Variants in ATP9A observed in about 807,000 individuals in gnomAD.
The protein encoded by ATP9A is probable phospholipid-transporting ATPase IIA.
ATP9A carries 52 observed loss-of-function variants against 144.1 expected under a neutral mutation model. The observed-to-expected ratio is 0.36, with a 90% confidence interval of 0.29 to 0.45. The LOEUF (loss-of-function observed/expected upper bound fraction) is 0.45. Among genes scored for constraint, ATP9A ranks in the 20% least tolerant of loss-of-function variants. The probability of loss-of-function intolerance (pLI) is 1.00; values close to 1 mark genes in which losing one functional copy is unlikely to be tolerated. For missense variants in ATP9A, 947 were observed against 1,392.7 expected, an observed-to-expected ratio of 0.68 and a Z score of 5.09; for synonymous variants, 582 against 557.4, an observed-to-expected ratio of 1.04 and a Z score of -0.62.
chr20:51,622,024 G>A (rs2122724697), intron 19 of ATP9A, 50 bp downstream of exon 19: 2 of 1,536,480 alleles, frequency 1.3e-6, no homozygotes, highest in East Asian at 2.3e-5. Context: ...GAGGTTATAG[G>A]ACAAATCGAA....
intron 27 of ATP9A, among the ~76,000 whole-genome samples, chr20:51,603,752 C>T (rs1475994540): frequency 6.1e-5 from 9 of 148,480 alleles, no homozygotes; most frequent in African/African-American, 2.3e-4. Context: ...CCCATCTCTA[C>T]ATTCCCATAA....
rs1159503520 is a variant in ATP9A at position 51,670,035 on chromosome 20, C to G, written c.1255G>C (p.Asp419His). 1 of 1,614,092 alleles carries G rather than the reference C, an allele frequency of 6.2e-7. No homozygotes were observed. Among genetic ancestry groups the G allele is most frequent in the Non-Finnish European group, 8.5e-7 (1 of 1,180,020 alleles). ...GTVAYGLDSMDEVQSHIFSIY... is the reference protein window; with the variant it reads ...GTVAYGLDSMHEVQSHIFSIY... ...CTGAAAATGTGGCTTTGTACTTCGT[C>G]CATTGAGTCGAGGCCGTAGGCTACT... The change falls in exon 13 of 28, where the codon GAC (aspartate) becomes CAC (histidine). Residue 419 changes from aspartate to histidine, a missense_variant. Asp to His is a moderately conservative substitution (Grantham distance 81). Coordinates refer to ENST00000338821, the MANE Select transcript of ATP9A (RefSeq NM_006045.3).
Position 51,657,102 on chromosome 20 carries a change from C to T in ATP9A, c.1342G>A (p.Val448Ile), listed in dbSNP as rs139560375. Residue 448 changes from valine to isoleucine, a missense_variant, in exon 14 of 28, where the codon GTC (valine) becomes ATC (isoleucine). This residue lies in a region of ATP9A where 770 missense variants were observed against 1,047.9 expected (regional missense o/e 0.73). Coordinates refer to ENST00000338821, the MANE Select transcript of ATP9A (RefSeq NM_006045.3). ...AQKGPTLTTK[V>I]RRTMSSRVHE... ...ACGCGGCTGCTCATGGTCCGCCGGA[C>T]CTTAGTGGTGAGCGTTGGGCCCTTC... 13 of 1,614,036 alleles carry T rather than the reference C, an allele frequency of 8.1e-6. No homozygotes were observed. Among genetic ancestry groups the T allele is most frequent in the Admixed American group, 6.7e-5 (4 of 60,004 alleles).
Position 51,629,081 on chromosome 20 carries a change from G to A in ATP9A, c.1669-9C>T. On this transcript the variant is annotated splice_polypyrimidine_tract_variant and intron_variant, in intron 15 of 27. Coordinates refer to ENST00000338821, the MANE Select transcript of ATP9A (RefSeq NM_006045.3). ...TCTCCAGTTGATTCATCCTAGAGAG[G>A]GAGGCCGGAAGGAATGAGAAACTGA... 2.5e-6 allele frequency: 4 copies of A among 1,607,708 alleles called. No homozygotes were observed. The highest frequency in any genetic ancestry group is 3.4e-6 in the Non-Finnish European group (4 of 1,174,194).
chr20:51,622,739 C>T (rs903835630), intron 18 of ATP9A, among the ~76,000 whole-genome samples: 3 of 152,236 alleles, frequency 2.0e-5, no homozygotes, highest in Non-Finnish European at 2.9e-5. Context: ...CCAAACCACA[C>T]AGCTACCTCT....
intron 14 of ATP9A, among the ~76,000 whole-genome samples, chr20:51,653,803 C>T (rs910724979): frequency 6.6e-6 from 1 of 151,742 alleles, no homozygotes; most frequent in African/African-American, 2.4e-5. Flanking sequence ...CGGTGGCTCA[C>T]GCCTGTAGTC....
intron 9 of ATP9A, among the ~76,000 whole-genome samples, chr20:51,688,432 A>C (rs1020643422): frequency 4.5e-4 from 69 of 152,154 alleles, no homozygotes; most frequent in African/African-American, 1.6e-3. Context: ...ATCTCTACTA[A>C]AAATACAAAA....
chr20:51,663,789 G>A (rs1476326152), intron 13 of ATP9A, among the ~76,000 whole-genome samples: 6 of 108,786 alleles, frequency 5.5e-5, no homozygotes, highest in Non-Finnish European at 9.3e-5. Context: ...GCGAGACTCC[G>A]TCTCAGAAAA....
At position 51,621,053 on chromosome 20, in the gene ATP9A, A is replaced by G. The variant is rs1192051338; in HGVS notation, c.2115+1021T>C. 4.6e-5 allele frequency among the ~76,000 whole-genome samples: 7 copies of G among 152,006 alleles called. No homozygotes were observed. The East Asian group carries it at 1.4e-3, about 30-fold the overall frequency. ...TCCCAGCTACTTGGGAGGCTGAGGCAGAAGAATTGCTTGAACCCAGGAGGC... is the reference window on the plus strand; with the variant it reads ...TCCCAGCTACTTGGGAGGCTGAGGCGGAAGAATTGCTTGAACCCAGGAGGC... On this transcript the variant is annotated intron_variant, in intron 19 of 27. Transcript: ENST00000338821.
intron 2 of ATP9A, among the ~76,000 whole-genome samples, chr20:51,728,257 C>T (rs1315491609): frequency 6.6e-6 from 1 of 152,108 alleles, no homozygotes; most frequent in East Asian, 1.9e-4. Flanking sequence ...TGAGAATAAA[C>T]CTATTCCTCA....
At chr20:51,715,008 A>G (rs2077656032) in intron 3 of ATP9A, among the ~76,000 whole-genome samples, 1 of 152,164 alleles carries the variant, frequency 6.6e-6, no homozygotes, top group African/African-American at 2.4e-5. Context: ...TTACTTGTTT[A>G]CAGTCATTCG....
rs758439921 is a variant in ATP9A at position 51,598,638 on chromosome 20, G to A, written c.*2573C>T. The A allele has an allele frequency of 9.2e-5, 14 of 152,126 alleles. No homozygotes were observed. Among genetic ancestry groups the A allele is most frequent in the African/African-American group, 1.2e-4 (5 of 41,414 alleles). The allele number at this position is 152,126 out of a possible 1,614,324, so 9.4% of individuals were successfully genotyped here. A position where few individuals can be genotyped will look rare whatever the true frequency, so the allele number is the denominator to read the frequency against. Reference sequence around the variant, plus strand: ...CCCCACCACAACTAAGATGACCTCCGAGAAGTACCCAGGCGCCCCTGGGGT... The same window carrying A: ...CCCCACCACAACTAAGATGACCTCCAAGAAGTACCCAGGCGCCCCTGGGGT... On this transcript the variant is annotated 3_prime_UTR_variant, in exon 28 of 28. Transcript: ENST00000338821.
At chr20:51,729,395 A>G (rs564313851) in intron 2 of ATP9A, among the ~76,000 whole-genome samples, 68 of 136,214 alleles carry the variant, frequency 5.0e-4, no homozygotes, top group African/African-American at 1.8e-3. Context: ...ATGAACAACC[A>G]GGGACTAAGG....
intron 9 of ATP9A, among the ~76,000 whole-genome samples, chr20:51,677,717 CT>C (rs2077483231): frequency 6.6e-6 from 1 of 152,160 alleles, no homozygotes; most frequent in African/African-American, 2.4e-5. Context: ...CAACTCTTTC[CT>C]AAGAACTCCC....
chr20:51,736,796 C>G, intron 1 of ATP9A, among the ~76,000 whole-genome samples: 1 of 151,610 alleles, frequency 6.6e-6, no homozygotes, highest in Non-Finnish European at 1.5e-5. Flanking sequence ...AAAACAGAAA[C>G]AGGAATTATT....
rs1568843545 is a variant in ATP9A at position 51,740,429 on chromosome 20, G to T, written c.69-10451C>A. Reference sequence around the variant, plus strand: ...ATCTTTTAAGATTCCTGTCTGGCAGGCCAGGCGCGGTGGCTCACACCTGTA... The same window carrying T: ...ATCTTTTAAGATTCCTGTCTGGCAGTCCAGGCGCGGTGGCTCACACCTGTA... On this transcript the variant is annotated intron_variant, in intron 1 of 27. Transcript: ENST00000338821. 2.1e-5 allele frequency among the ~76,000 whole-genome samples: 3 copies of T among 145,650 alleles called. No individual in the cohort carries two copies. In the South Asian group the frequency reaches 6.9e-4, roughly 34 times the overall value.
In ATP9A at chr20:51,601,189, C is replaced by T. The variant is rs368993333; in HGVS notation, c.*22G>A. 1.3e-6 allele frequency: 2 copies of T among 1,579,124 alleles called. No individual in the cohort carries two copies. Among genetic ancestry groups the T allele is most frequent in the African/African-American group, 1.4e-5 (1 of 73,786 alleles). Reference sequence around the variant, plus strand: ...CATCAGGGAAGCGCCAAGACCAGGGCCCCCTCCAGCGAACGCACGGCCTAT... The same window carrying T: ...CATCAGGGAAGCGCCAAGACCAGGGTCCCCTCCAGCGAACGCACGGCCTAT... On this transcript the variant is annotated 3_prime_UTR_variant, in exon 28 of 28. Transcript: ENST00000338821.
intron 4 of ATP9A, among the ~76,000 whole-genome samples, chr20:51,709,036 C>T (rs1045721972): frequency 6.6e-6 from 1 of 152,078 alleles, no homozygotes; most frequent in Non-Finnish European, 1.5e-5. Context: ...AGATTAATAG[C>T]AATATATTGA....
intron 3 of ATP9A, among the ~76,000 whole-genome samples, chr20:51,721,904 A>G (rs1006857622): frequency 1.3e-5 from 2 of 152,162 alleles, no homozygotes; most frequent in Admixed American, 1.3e-4. Flanking sequence ...CAAAAAGAAC[A>G]AATCTGGAGG....
Sources: gnomAD v4.1 joint callset for allele counts (sites outside exome capture counted in the v4.1 genomes callset) on GRCh38, gnomAD v4.1.1 for gene constraint, gnomAD v4.1.1 regional missense constraint, MANE v1.5 for transcripts, NCBI Gene and HGNC (gene_info 2026-07-23, HGNC 2026-07-21) for gene names.